Variants in SEMA3C observed in about 807,000 individuals in gnomAD.
SEMA3C encodes the protein semaphorin 3C, also known as semaphorin-3C.
A neutral mutation model predicts 89.4 loss-of-function variants in SEMA3C; 47 were observed. That is an observed-to-expected ratio of 0.53 (90% CI 0.42 to 0.67). The LOEUF (loss-of-function observed/expected upper bound fraction) is 0.67, where lower values mean the gene tolerates loss of function less well. Among genes scored for constraint, SEMA3C ranks in the 30% least tolerant of loss-of-function variants. The pLI, the probability that SEMA3C is intolerant of heterozygous loss-of-function variation, is 0.00. For synonymous variants in SEMA3C, 310 were observed against 320.2 expected (o/e 0.97, Z 0.34); for missense variants, 839 against 929.1 (o/e 0.90, Z 1.26).
intron 2 of SEMA3C, among the ~76,000 whole-genome samples, chr7:80,848,858 C>T (rs745312238): frequency 1.2e-4 from 19 of 152,020 alleles, no homozygotes; most frequent in Non-Finnish European, 2.2e-4. Context: ...TTTCAATTTA[C>T]GGTGGTTTTA....
Position 80,743,530 on chromosome 7 carries a change from A to G in SEMA3C, c.*1364T>C, listed in dbSNP as rs1378990710. 6.6e-6 allele frequency: 1 copy of G among 151,942 alleles called. No individual in the cohort carries two copies. Among genetic ancestry groups the G allele is most frequent in the East Asian group, 1.9e-4 (1 of 5,194 alleles). 9.4% of individuals were successfully genotyped at this position (151,942 alleles called of 1,614,324 possible). ...TACCTGGAAGCATGAAAATGTCTTA[A>G]AAGGTAAATAAAAAAGCAAAAGTAG... On this transcript the variant is annotated 3_prime_UTR_variant, in exon 18 of 18. Coordinates refer to ENST00000265361, the MANE Select transcript of SEMA3C (RefSeq NM_006379.5).
intron 2 of SEMA3C, among the ~76,000 whole-genome samples, chr7:80,894,489 A>T (rs887653871): frequency 5.3e-5 from 8 of 152,112 alleles, no homozygotes; most frequent in Admixed American, 2.0e-4. Flanking sequence ...CTACAAAAAA[A>T]TTTTTTTAAT....
At chr7:80,747,772 T>C (rs1787834210) in intron 17 of SEMA3C, among the ~76,000 whole-genome samples, 1 of 152,174 alleles carries the variant, frequency 6.6e-6, no homozygotes, top group Non-Finnish European at 1.5e-5. Context: ...AGAAGAATGA[T>C]GGGGCTCTGA....
chr7:80,793,495 T>G (rs1002309971), intron 11 of SEMA3C: 3 of 450,778 alleles, frequency 6.7e-6, no homozygotes, highest in Admixed American at 2.4e-5. Context: ...ACAAGTATTC[T>G]AGTAAGAAAG....
At chr7:80,851,498 T>C (rs1790510674) in intron 2 of SEMA3C, among the ~76,000 whole-genome samples, 1 of 122,502 alleles carries the variant, frequency 8.2e-6, no homozygotes, top group Non-Finnish European at 1.7e-5. Context: ...GCAAGACTCT[T>C]GTCTTTAAAA....
chr7:80,818,555 T>C, intron 4 of SEMA3C, 137 bp from the exon 5 acceptor site: 1 of 899,408 alleles, frequency 1.1e-6, no homozygotes. Context: ...TCCAGGGGCG[T>C]CCAATCTTTT....
intron 2 of SEMA3C, among the ~76,000 whole-genome samples, chr7:80,869,337 T>C (rs1036518568): frequency 2.0e-5 from 3 of 152,194 alleles, no homozygotes; most frequent in Non-Finnish European, 4.4e-5. Context: ...AAGCAGGGAT[T>C]TCTTGGTGTG....
upstream of SEMA3C, chr7:80,919,247 C>CGGACCGGGCG: frequency 2.0e-6 from 2 of 985,190 alleles, no homozygotes; most frequent in Non-Finnish European, 2.4e-6. Flanking sequence ...GCCGCGGGGG[C>CGGACCGGGCG]GGACCGGGCG....
At chr7:80,866,414 G>T (rs74427261) in intron 2 of SEMA3C, among the ~76,000 whole-genome samples, 1 of 151,814 alleles carries the variant, frequency 6.6e-6, no homozygotes, top group Non-Finnish European at 1.5e-5. Flanking sequence ...CTTTCAACAC[G>T]GTAATTTTTA....
At chr7:80,798,891 TTC>T (rs1294975912) in intron 10 of SEMA3C, among the ~76,000 whole-genome samples, 2 of 152,206 alleles carry the variant, frequency 1.3e-5, no homozygotes, top group African/African-American at 4.8e-5. Flanking sequence ...AAATCAGTAT[TTC>T]TCTGACTCAC....
rs760938808 is a variant in SEMA3C at position 80,789,340 on chromosome 7, A to T, written c.1320T>A (p.Ala440=). ...GAAACAGGACATGGTATCTCCCATC[A>T]GCAGCGTTCACTCGATCCACAGCTA... ...TKIAVDRVNA[A]DGRYHVLFLG... The change falls in exon 12 of 18, where the codon GCT becomes GCA. Residue 440 remains alanine (A), a synonymous_variant. Coordinates refer to ENST00000265361, the MANE Select transcript of SEMA3C (RefSeq NM_006379.5). 1.5e-5 allele frequency: 24 copies of T among 1,613,896 alleles called. No individual in the cohort carries two copies. The highest frequency in any genetic ancestry group is 2.0e-5 in the Non-Finnish European group (24 of 1,179,932).
intron 12 of SEMA3C, among the ~76,000 whole-genome samples, chr7:80,774,934 C>T (rs1056762317): frequency 6.6e-6 from 1 of 151,608 alleles, no homozygotes; most frequent in African/African-American, 2.4e-5. Flanking sequence ...CTGCTGAAAA[C>T]AAACCACAGA....
chr7:80,898,120 T>C (rs1482807912), intron 2 of SEMA3C, among the ~76,000 whole-genome samples: 4 of 152,076 alleles, frequency 2.6e-5, no homozygotes, highest in Non-Finnish European at 5.9e-5. Flanking sequence ...ATCCTAGCAC[T>C]TTGGGAGGCT....
At chr7:80,844,269 T>A (rs563110954) in intron 2 of SEMA3C, among the ~76,000 whole-genome samples, 1 of 152,162 alleles carries the variant, frequency 6.6e-6, no homozygotes, top group South Asian at 2.1e-4. Context: ...TAAACTGAGA[T>A]CCAACAGTTC....
chr7:80,769,862 CCCAAA>C (rs1406331334), intron 12 of SEMA3C, among the ~76,000 whole-genome samples: 192 of 99,426 alleles, frequency 1.9e-3, no homozygotes, highest in African/African-American at 7.7e-3. Flanking sequence ...CTGTCCCCCC[CCCAAA>C]AAAAAAAAAA....
chr7:80,896,729 C>T (rs1791746760), intron 2 of SEMA3C, among the ~76,000 whole-genome samples: 1 of 152,120 alleles, frequency 6.6e-6, no homozygotes, highest in Non-Finnish European at 1.5e-5. Context: ...GGGCCCTATT[C>T]TGGTCCTTGC....
chr7:80,909,558 T>A (rs1315728673), intron 2 of SEMA3C, among the ~76,000 whole-genome samples: 1 of 152,158 alleles, frequency 6.6e-6, no homozygotes, highest in Non-Finnish European at 1.5e-5. Context: ...TAAAGTTGAG[T>A]AAGGCAAGAA....
At chr7:80,883,661 C>G (rs1791405383) in intron 2 of SEMA3C, among the ~76,000 whole-genome samples, 2 of 152,288 alleles carry the variant, frequency 1.3e-5, no homozygotes, top group South Asian at 4.1e-4. Flanking sequence ...CTGTTCCTTC[C>G]ATTCTGGACA....
At chr7:80,859,009 C>A (rs11772505) in intron 2 of SEMA3C, among the ~76,000 whole-genome samples, 4,989 of 152,156 alleles carry the variant, frequency 0.033, 107 homozygotes, top group South Asian at 0.056. Flanking sequence ...TCAGGCTTTT[C>A]TTTTCTTTCC....
Sources: allele counts gnomAD v4.1 joint callset (sites outside exome capture counted in the v4.1 genomes callset), GRCh38; gene constraint gnomAD v4.1.1; transcripts MANE v1.5; gene names NCBI Gene and HGNC (gene_info 2026-07-23, HGNC 2026-07-21).